Variants in TESK2 observed in about 807,000 individuals in gnomAD.
The protein encoded by TESK2 is dual specificity testis-specific protein kinase 2.
A neutral mutation model predicts 57.1 loss-of-function variants in TESK2; 39 were observed. The ratio of observed to expected loss-of-function variants is 0.68; its 90% CI spans 0.53 to 0.89. TESK2 has a LOEUF of 0.89. TESK2 is among the 40% of genes least tolerant of loss of function. The probability of loss-of-function intolerance (pLI) is 0.00; values close to 1 mark genes in which losing one functional copy is unlikely to be tolerated. For synonymous variants in TESK2, 249 were observed against 267.9 expected (o/e 0.93, Z 0.69); for missense variants, 646 against 732.1 (o/e 0.88, Z 1.36).
intron 1 of TESK2, among the ~76,000 whole-genome samples, chr1:45,469,517 T>C (rs906911901): frequency 2.6e-5 from 4 of 152,210 alleles, no homozygotes; most frequent in Non-Finnish European, 5.9e-5. Flanking sequence ...ATCTAGTAGT[T>C]TCAAACCTAA....
At chr1:45,437,882 C>A (rs1452920219) in intron 2 of TESK2, among the ~76,000 whole-genome samples, 1 of 152,186 alleles carries the variant, frequency 6.6e-6, no homozygotes, top group Non-Finnish European at 1.5e-5. Flanking sequence ...TTCTTGGTTA[C>A]AGACACACAT....
intron 2 of TESK2, among the ~76,000 whole-genome samples, chr1:45,451,320 T>C (rs1314541890): frequency 1.3e-5 from 2 of 152,222 alleles, no homozygotes; most frequent in African/African-American, 4.8e-5. Context: ...TTTGAGGATG[T>C]GTCCATTGCT....
At chr1:45,421,526 T>C (rs1650476120) in intron 3 of TESK2, among the ~76,000 whole-genome samples, 199 bp downstream of exon 3, 1 of 152,198 alleles carries the variant, frequency 6.6e-6, no homozygotes, top group Non-Finnish European at 1.5e-5. Context: ...ATAAAGGAAG[T>C]TGCTTTATTA....
rs1176267447 is a variant in TESK2 at position 45,404,455 on chromosome 1, C to T, written c.344+17270G>A. 2.0e-5 allele frequency among the ~76,000 whole-genome samples: 3 copies of T among 152,020 alleles called. No homozygotes were observed. The East Asian group carries it at 5.8e-4, about 29-fold the overall frequency. ...ATAACATTTACTGAGCACCTAAGGA[C>T]GTGTCAGACACTGTTCTAAATACTT... On this transcript the variant is annotated intron_variant, in intron 3 of 10. Coordinates refer to ENST00000372086, the MANE Select transcript of TESK2 (RefSeq NM_007170.3).
At chr1:45,382,014 G>A (rs945702347) in intron 4 of TESK2, among the ~76,000 whole-genome samples, 5 of 151,822 alleles carry the variant, frequency 3.3e-5, no homozygotes, top group African/African-American at 1.2e-4. Flanking sequence ...GAGACTGTAG[G>A]TGTGTATCAC....
rs911701591 is a variant in TESK2 at position 45,345,914 on chromosome 1, C to T, written c.960G>A (p.Glu320=). The T allele has an allele frequency of 1.9e-6, 3 of 1,614,130 alleles. No homozygotes were observed. The highest frequency in any genetic ancestry group is 2.5e-6 in the Non-Finnish European group (3 of 1,180,010). ...GCTGCAGCTTCCTATCCCTCTCCTG[C>T]TCTTCTTCCTGTAGGCGGCTCAGAA... ...EEILSRLQEE[E]QERDRKLQPT... Residue 320 remains glutamate, a synonymous_variant, in exon 10 of 11, where the codon GAG becomes GAA. Coordinates refer to ENST00000372086, the MANE Select transcript of TESK2 (RefSeq NM_007170.3).
intron 1 of TESK2, among the ~76,000 whole-genome samples, chr1:45,464,485 A>T (rs577251229): frequency 2.0e-5 from 3 of 151,234 alleles, no homozygotes; most frequent in African/African-American, 4.9e-5. Context: ...TTTGGTTAAG[A>T]TTGTTCCTAG....
At chr1:45,407,514 A>C (rs144335429) in intron 3 of TESK2, among the ~76,000 whole-genome samples, 55 of 152,214 alleles carry the variant, frequency 3.6e-4, no homozygotes, top group African/African-American at 1.2e-3. Flanking sequence ...TCCCACCCAA[A>C]TCTCATCTTG....
At chr1:45,382,344 T>C (rs1570671006) in intron 4 of TESK2, among the ~76,000 whole-genome samples, 1 of 152,160 alleles carries the variant, frequency 6.6e-6, no homozygotes, top group South Asian at 2.1e-4. Context: ...GCTCAGGTGA[T>C]CCTCCTACCT....
At position 45,424,036 on chromosome 1, in the gene TESK2, TA is replaced by T. The variant is rs554314440; in HGVS notation, c.223-2191del. Among the ~76,000 whole-genome samples, 85 of 152,300 alleles carry T rather than the reference TA, an allele frequency of 5.6e-4. No homozygotes were observed. In the East Asian group the frequency reaches 0.013, roughly 23 times the overall value. ...ATGAAGTCACAAAGATCTTTCTCGT[TA>T]AAAAAATTTCATTTCATATCTTGCA... On this transcript the variant is annotated intron_variant, in intron 2 of 10. Coordinates refer to ENST00000372086, the MANE Select transcript of TESK2 (RefSeq NM_007170.3).
At chr1:45,401,239 A>G (rs1354832886) in intron 3 of TESK2, among the ~76,000 whole-genome samples, 1 of 151,442 alleles carries the variant, frequency 6.6e-6, no homozygotes, top group Non-Finnish European at 1.5e-5. Flanking sequence ...TCTACTAAAA[A>G]TATAAAAATT....
At chr1:45,377,809 C>T (rs959179175) in intron 4 of TESK2, among the ~76,000 whole-genome samples, 9 of 150,222 alleles carry the variant, frequency 6.0e-5, no homozygotes, top group East Asian at 4.1e-4. Context: ...GGGCGGATCA[C>T]GAGGTCAGGA....
At chr1:45,445,822 A>G (rs921872319) in intron 2 of TESK2, among the ~76,000 whole-genome samples, 7 of 152,000 alleles carry the variant, frequency 4.6e-5, no homozygotes, top group Admixed American at 3.9e-4. Context: ...ATGAAGAAGT[A>G]CCAGTAAACA....
intron 4 of TESK2, among the ~76,000 whole-genome samples, chr1:45,373,028 C>CAAAAAAAAAAA (rs200182758): frequency 1.3e-4 from 8 of 60,932 alleles, no homozygotes; most frequent in East Asian, 4.7e-4. Context: ...ATCTCCGTCT[C>CAAAAAAAAAAA]AAAAAAAAAA....
In TESK2 at chr1:45,422,513, G is replaced by A. The variant is rs149766902; in HGVS notation, c.223-667C>T. The stretch of plus-strand genomic sequence containing the variant: ...GACTGGAGTGTAGTGGCACAATCTC[G>A]GCTCACTGCAACCTCCACCTCCCAG... On this transcript the variant is annotated intron_variant, in intron 2 of 10. Transcript: ENST00000372086. 3.1e-3 allele frequency among the ~76,000 whole-genome samples: 477 copies of A among 152,182 alleles called. 4 individuals carry two copies. The highest frequency in any genetic ancestry group is 0.018 in the East Asian group (94 of 5,182).
At chr1:45,385,350 C>T (rs1648844772) in intron 4 of TESK2, 2 of 985,078 alleles carry the variant, frequency 2.0e-6, no homozygotes, top group African/African-American at 1.7e-5. Context: ...ATGACTATCA[C>T]ATATTCCGCC....
intron 4 of TESK2, among the ~76,000 whole-genome samples, chr1:45,366,858 G>A (rs1647942240): frequency 1.3e-5 from 2 of 152,154 alleles, no homozygotes; most frequent in Non-Finnish European, 2.9e-5. Context: ...TGCTGGCTGG[G>A]CGCAGAGGCT....
intron 3 of TESK2, among the ~76,000 whole-genome samples, chr1:45,400,435 A>C (rs1375566050): frequency 6.6e-6 from 1 of 152,214 alleles, no homozygotes; most frequent in Non-Finnish European, 1.5e-5. Context: ...TGTTGTTTTA[A>C]GCTACTAAGT....
At chr1:45,381,160 A>G (rs1295281895) in intron 4 of TESK2, among the ~76,000 whole-genome samples, 4 of 152,216 alleles carry the variant, frequency 2.6e-5, no homozygotes, top group Non-Finnish European at 5.9e-5. Flanking sequence ...AATAACTAAT[A>G]GTTGTTATGG....
Sources: gnomAD v4.1 joint callset for allele counts (sites outside exome capture counted in the v4.1 genomes callset) on GRCh38, gnomAD v4.1.1 for gene constraint, MANE v1.5 for transcripts, NCBI Gene and HGNC (gene_info 2026-07-23, HGNC 2026-07-21) for gene names.